CEACAM4: variants seen among roughly 807,000 people sequenced by gnomAD.
CEACAM4 encodes cell adhesion molecule CEACAM4.
CEACAM4 carries 30 observed loss-of-function variants against 28.7 expected under a neutral mutation model. That is an observed-to-expected ratio of 1.05 (90% CI 0.78 to 1.42). The LOEUF is 1.42. Among genes scored for constraint, CEACAM4 ranks in the 40% most tolerant of loss-of-function variants. The pLI, the probability that CEACAM4 is intolerant of heterozygous loss-of-function variation, is 0.00. For synonymous variants in CEACAM4, 143 were observed against 126.5 expected (o/e 1.13, Z -0.87); for missense variants, 330 against 308.2 (o/e 1.07, Z -0.53).
At chr19:41,620,173 A>T (rs781901559) in intron 5 of CEACAM4, 38 bp downstream of exon 5, 2 of 1,484,592 alleles carry the variant, frequency 1.3e-6, no homozygotes, top group Admixed American at 5.5e-5. Flanking sequence ...CACTGTTGGG[A>T]CCCCAGTAGA....
chr19:41,617,604 G>A (rs189368507), downstream of CEACAM4, among the ~76,000 whole-genome samples: 187 of 152,312 alleles, frequency 1.2e-3, 1 homozygote, highest in African/African-American at 4.4e-3. Context: ...CCTTTTAAGT[G>A]AGAGAGGGAG....
intron 2 of CEACAM4, among the ~76,000 whole-genome samples, chr19:41,622,847 C>CATATATAT (rs67983728): frequency 2.4e-5 from 3 of 123,546 alleles, no homozygotes; most frequent in South Asian, 3.1e-4. Context: ...CATATATATA[C>CATATATAT]ATATATATAG....
In CEACAM4 at chr19:41,620,632, G is replaced by A. The variant is rs900545563; in HGVS notation, c.543-5C>T. 1.2e-6 allele frequency: 2 copies of A among 1,612,438 alleles called. No homozygotes were observed. Among genetic ancestry groups the A allele is most frequent in the South Asian group, 1.1e-5 (1 of 91,010 alleles). On this transcript the variant is annotated splice_polypyrimidine_tract_variant and splice_region_variant and intron_variant, in intron 3 of 6. Coordinates refer to ENST00000221954, the MANE Select transcript of CEACAM4 (RefSeq NM_001817.4). ...AGGTCACGCTGGATGCTGGCCCTAG[G>A]AAAGGTCAGGATTATTCATGAGGGT... is the stretch of plus-strand genomic sequence containing the variant.
Position 41,621,186 on chromosome 19 carries a change from C to T in CEACAM4, c.542+465G>A, listed in dbSNP as rs1445754360. On this transcript the variant is annotated intron_variant, in intron 3 of 6. Coordinates refer to ENST00000221954, the MANE Select transcript of CEACAM4 (RefSeq NM_001817.4). ...AGGTCCAGGTTCTCCCATCTCACAC[C>T]TCAGGGACATCAATCACGATGGGGT... Among the ~76,000 whole-genome samples, 4 of 152,132 alleles carry T rather than the reference C, an allele frequency of 2.6e-5. No homozygotes were observed. In the East Asian group the frequency reaches 7.7e-4, roughly 29 times the overall value.
chr19:41,619,411 A>G lies in CEACAM4; in HGVS notation c.670-16T>C. 6.2e-7 allele frequency: 1 copy of G among 1,613,246 alleles called. No individual in the cohort carries two copies. The highest frequency in any genetic ancestry group is 8.5e-7 in the Non-Finnish European group (1 of 1,179,224). ...ATAGCAATTCCTGTAAAAACAGAGA[A>G]GAGGCCTCAACCCCTGTAGCCTTCT... On this transcript the variant is annotated splice_polypyrimidine_tract_variant and intron_variant, in intron 6 of 6. Transcript: ENST00000221954.
intron 6 of CEACAM4, 61 bp downstream of exon 6, chr19:41,619,608 TG>T (rs1313010256): frequency 6.4e-7 from 1 of 1,568,006 alleles, no homozygotes; most frequent in African/African-American, 1.4e-5. Flanking sequence ...CAGGTGCTGG[TG>T]GGGGCAGATC....
Position 41,627,007 on chromosome 19 carries a change from C to T in CEACAM4, c.-44G>A, listed in dbSNP as rs1555804627. ...GTCCTCTGTGGAGAGGAGCTGGGCT[C>T]CAGGAACGCTCTTGTCAGAGCTGCT... is the stretch of plus-strand genomic sequence containing the variant. On this transcript the variant is annotated 5_prime_UTR_variant, in exon 1 of 7. Transcript: ENST00000221954. The T allele has an allele frequency of 1.9e-6, 3 of 1,543,118 alleles. No homozygotes were observed.
rs139833578 is a variant in CEACAM4 at position 41,619,340 on chromosome 19, A to T, written c.725T>A (p.Val242Glu). 6.2e-7 allele frequency: 1 copy of T among 1,613,976 alleles called. No homozygotes were observed. Among genetic ancestry groups the T allele is most frequent in the East Asian group, 2.2e-5 (1 of 44,874 alleles). The change falls in exon 7 of 7, where the codon GTG (valine) becomes GAG (glutamate). Residue 242 changes from valine to glutamate, a missense_variant. By Grantham distance (121) the Val-to-Glu change is moderately radical. Transcript: ENST00000221954. ...AGCTCCCAGAGGAACCTAAGAGACC[A>T]CATCTGCTTTGTGGTCGATCTGGCA... ...IYCQIDHKAD[V>E]VS
chr19:41,626,087 T>C, intron 1 of CEACAM4, 127 bp from the exon 2 acceptor site: 1 of 368,180 alleles, frequency 2.7e-6, no homozygotes, highest in Non-Finnish European at 4.6e-6. Flanking sequence ...TGTGTGTGTG[T>C]GTGTGTGTGT....
chr19:41,618,757 CTG>C (rs2071066672), downstream of CEACAM4, among the ~76,000 whole-genome samples: 1 of 152,170 alleles, frequency 6.6e-6, no homozygotes, highest in Admixed American at 6.5e-5. Context: ...CAGGCTGGGG[CTG>C]TGCATGGCCT....
chr19:41,623,975 G>A (rs1600377889), intron 2 of CEACAM4, among the ~76,000 whole-genome samples: 1 of 152,112 alleles, frequency 6.6e-6, no homozygotes, highest in Non-Finnish European at 1.5e-5. Flanking sequence ...AGGGTCAGAT[G>A]AGACTCAGCT....
At chr19:41,616,021 T>C (rs1555798778), downstream of CEACAM4, among the ~76,000 whole-genome samples, 2 of 151,932 alleles carry the variant, frequency 1.3e-5, no homozygotes, top group Non-Finnish European at 2.9e-5. Context: ...GGAAGCAGTG[T>C]GGATTCTTTT....
chr19:41,619,156 T>C lies in CEACAM4; in HGVS notation c.*174A>G, dbSNP rs546537837. ...GGCCCACCCAGAGCCCAGGGCAACC[T>C]GTCAGGGTCTCCAGATATTCAGCAG... On this transcript the variant is annotated 3_prime_UTR_variant, in exon 7 of 7. Transcript: ENST00000221954. The C allele has an allele frequency of 3.2e-6, 2 of 616,728 alleles. No homozygotes were observed. The highest frequency in any genetic ancestry group is 2.9e-6 in the Non-Finnish European group (1 of 349,034). The allele number at this position is 616,728 out of a possible 1,614,324, so 38.2% of individuals were successfully genotyped here.
At position 41,625,900 on chromosome 19, in the gene CEACAM4, G is replaced by C. The variant is rs148045742; in HGVS notation, c.125C>G (p.Pro42Arg). ...TTVQFTIEAL[P>R]SSAAEGKDVL... ...ATCCTTTCCCTCTGCAGCACTGGAC[G>C]GCAGGGCTTCAATAGTGAACTGGAC... The change falls in exon 2 of 7, where the codon CCG becomes CGG. Residue 42 changes from proline (P) to arginine (R), a missense_variant. Transcript: ENST00000221954. The C allele has an allele frequency of 1.2e-6, 2 of 1,613,386 alleles. No homozygotes were observed. Among genetic ancestry groups the C allele is most frequent in the South Asian group, 1.1e-5 (1 of 91,072 alleles).
chr19:41,615,247 C>T (rs2070971461), downstream of CEACAM4, among the ~76,000 whole-genome samples: 1 of 151,904 alleles, frequency 6.6e-6, no homozygotes, highest in Non-Finnish European at 1.5e-5. Context: ...TTCCTAATAC[C>T]TGCTGTTCAT....
At chr19:41,620,386 A>T in intron 4 of CEACAM4, 144 bp from the exon 5 acceptor site, 2 of 896,618 alleles carry the variant, frequency 2.2e-6, no homozygotes, top group Non-Finnish European at 3.3e-6. Flanking sequence ...GAGGTCGAGG[A>T]GGTGACCCAC....
At chr19:41,621,890 T>G in intron 2 of CEACAM4, 122 bp from the exon 3 acceptor site, 1 of 671,206 alleles carries the variant, frequency 1.5e-6, no homozygotes, top group South Asian at 1.8e-5. Flanking sequence ...CTGAGTGTGG[T>G]CTGTTGGGCT....
At position 41,619,167 on chromosome 19, in the gene CEACAM4, C is replaced by T. The variant is rs2071095125; in HGVS notation, c.*163G>A. ...AGCCCAGGGCAACCTGTCAGGGTCT[C>T]CAGATATTCAGCAGGGACTCCCATC... On this transcript the variant is annotated 3_prime_UTR_variant, in exon 7 of 7. Coordinates refer to ENST00000221954, the MANE Select transcript of CEACAM4 (RefSeq NM_001817.4). The T allele has an allele frequency of 1.5e-6, 1 of 645,518 alleles. No individual in the cohort carries two copies. Among genetic ancestry groups the T allele is most frequent in the Non-Finnish European group, 2.7e-6 (1 of 365,452 alleles). 40.0% of individuals were successfully genotyped at this position (645,518 alleles called of 1,614,324 possible).
chr19:41,619,299 A>C lies in CEACAM4; in HGVS notation c.*31T>G. 1 of 1,598,508 alleles carries C rather than the reference A, an allele frequency of 6.3e-7. No individual in the cohort carries two copies. The highest frequency in any genetic ancestry group is 8.6e-7 in the Non-Finnish European group (1 of 1,166,100). Reference sequence around the variant, plus strand: ...GGGCTGGGAGCTTCGGGGACGCTCCATCAACCCACAAGAGCAGCTCCCAGA... The same window carrying C: ...GGGCTGGGAGCTTCGGGGACGCTCCCTCAACCCACAAGAGCAGCTCCCAGA... On this transcript the variant is annotated 3_prime_UTR_variant, in exon 7 of 7. Transcript: ENST00000221954.
Sources: gnomAD v4.1 joint callset for allele counts (sites outside exome capture counted in the v4.1 genomes callset) on GRCh38, gnomAD v4.1.1 for gene constraint, MANE v1.5 for transcripts, NCBI Gene and HGNC (gene_info 2026-07-23, HGNC 2026-07-21) for gene names.